The following LINGO1 variants were observed in gnomAD, a reference collection of about 807,000 sequenced individuals.
The protein encoded by LINGO1 is leucine-rich repeat and immunoglobulin-like domain-containing nogo receptor-interacting protein 1.
A neutral mutation model predicts 37.3 loss-of-function variants in LINGO1; 11 were observed. The ratio of observed to expected loss-of-function variants is 0.29; its 90% CI spans 0.19 to 0.49. The LOEUF is 0.49. LINGO1 is among the 20% of genes least tolerant of loss of function. LINGO1 has a pLI of 0.99. For missense variants in LINGO1, 585 were observed against 878.2 expected (o/e 0.67, Z 4.22); for synonymous variants, 387 against 403.0 (o/e 0.96, Z 0.48).
chr15:77,693,109 A>AT (rs1302774767), intron 1 of LINGO1, among the ~76,000 whole-genome samples: 1 of 152,212 alleles, frequency 6.6e-6, no homozygotes, highest in African/African-American at 2.4e-5. Context: ...CAAAACTGTC[A>AT]TATCATTAAC....
At chr15:77,780,284 G>T (rs2076702658) in intron 1 of LINGO1, among the ~76,000 whole-genome samples, 1 of 152,188 alleles carries the variant, frequency 6.6e-6, no homozygotes, top group Non-Finnish European at 1.5e-5. Context: ...ACAATGGTGG[G>T]CCACTGAAAG....
chr15:77,807,750 C>T (rs2076971965), intron 1 of LINGO1, among the ~76,000 whole-genome samples: 1 of 152,278 alleles, frequency 6.6e-6, no homozygotes, highest in South Asian at 2.1e-4. Context: ...TGCCAACTAT[C>T]ACAGCTTAAA....
At chr15:77,775,210 C>G (rs1471294701) in intron 1 of LINGO1, among the ~76,000 whole-genome samples, 2 of 152,160 alleles carry the variant, frequency 1.3e-5, no homozygotes, top group African/African-American at 2.4e-5. Context: ...CAAGCCCCCA[C>G]TTGATGATAG....
intron 2 of LINGO1, among the ~76,000 whole-genome samples, chr15:77,793,464 T>C (rs562639369): frequency 6.6e-6 from 1 of 152,140 alleles, no homozygotes; most frequent in African/African-American, 2.4e-5. Flanking sequence ...CGGTGCTCCA[T>C]GCCAGCCCTG....
At chr15:77,797,552 G>T (rs1405844492) in intron 1 of LINGO1, among the ~76,000 whole-genome samples, 2 of 152,222 alleles carry the variant, frequency 1.3e-5, no homozygotes, top group African/African-American at 4.8e-5. Context: ...GTGCCCAGGG[G>T]TGGCTTCAAC....
chr15:77,749,878 C>T (rs1374717810), intron 1 of LINGO1, among the ~76,000 whole-genome samples: 1 of 152,138 alleles, frequency 6.6e-6, no homozygotes, highest in Admixed American at 6.5e-5. Context: ...GGGTGCGGAA[C>T]CGGACTTTCT....
At chr15:77,758,376 G>A (rs188708917) in intron 1 of LINGO1, among the ~76,000 whole-genome samples, 32 of 152,282 alleles carry the variant, frequency 2.1e-4, no homozygotes, top group African/African-American at 7.2e-4. Flanking sequence ...GCAGGCCTCC[G>A]TTTCCTTTCC....
intron 1 of LINGO1, among the ~76,000 whole-genome samples, chr15:77,781,296 G>A (rs2076714522): frequency 6.6e-6 from 1 of 152,214 alleles, no homozygotes; most frequent in South Asian, 2.1e-4. Flanking sequence ...CCAGGCCGGA[G>A]CCAGCCAGGA....
chr15:77,800,994 A>C (rs2076913569), intron 1 of LINGO1, among the ~76,000 whole-genome samples: 1 of 152,210 alleles, frequency 6.6e-6, no homozygotes, highest in Non-Finnish European at 1.5e-5. Context: ...CAGATTGGGA[A>C]AAATTTAAAT....
At chr15:77,699,164 G>A (rs1344193398), upstream of LINGO1, among the ~76,000 whole-genome samples, 3 of 151,894 alleles carry the variant, frequency 2.0e-5, no homozygotes, top group East Asian at 1.9e-4. Context: ...ATTAGCATTC[G>A]CTGCTGAGGA....
At chr15:77,668,917 T>C (rs1170899147) in intron 3 of LINGO1, among the ~76,000 whole-genome samples, 1 of 151,906 alleles carries the variant, frequency 6.6e-6, no homozygotes, top group Non-Finnish European at 1.5e-5. Flanking sequence ...AAAAATCCCA[T>C]GTGGTCTTCA....
intron 2 of LINGO1, among the ~76,000 whole-genome samples, chr15:77,729,745 A>G (rs11631237): frequency 0.16 from 23,718 of 152,234 alleles, 2,348 homozygotes; most frequent in Admixed American, 0.3. Context: ...TCCTGTGGAC[A>G]GCACAGTTCT....
intron 1 of LINGO1, among the ~76,000 whole-genome samples, chr15:77,626,954 G>GC (rs1172735794): frequency 1.2e-4 from 9 of 72,944 alleles, no homozygotes; most frequent in South Asian, 4.7e-4. Flanking sequence ...GCCAGTCCCC[G>GC]CCCCCCCAAC....
chr15:77,686,924 A>G (rs1289020372), intron 2 of LINGO1, among the ~76,000 whole-genome samples: 1 of 152,210 alleles, frequency 6.6e-6, no homozygotes, highest in Non-Finnish European at 1.5e-5. Context: ...CCTCTAGGCA[A>G]TCCCAGAAAC....
chr15:77,643,781 G>A (rs2074561522), intron 3 of LINGO1, among the ~76,000 whole-genome samples: 1 of 152,214 alleles, frequency 6.6e-6, no homozygotes, highest in Non-Finnish European at 1.5e-5. Context: ...CGAGTCTGGT[G>A]CCACCTCCAG....
At chr15:77,748,855 CTTATTTATTTAT>C (rs71145856) in intron 1 of LINGO1, among the ~76,000 whole-genome samples, 70 of 128,776 alleles carry the variant, frequency 5.4e-4, no homozygotes, top group East Asian at 1.9e-3. Flanking sequence ...GGCCCCTAGC[CTTATTTATTTAT>C]TTATTTATTT....
Position 77,760,085 on chromosome 15 carries a change from GAC to G in LINGO1, c.-256-25034_-256-25033del, listed in dbSNP as rs61307593. ...GGCGGCTTTTTTTTCCTCCTTAAAA[GAC>G]AGCGCGGCAATGACTCATGCCTGTT... On this transcript the variant is annotated intron_variant, in intron 1 of 3. Coordinates refer to the LINGO1 transcript ENST00000561686. Among the ~76,000 whole-genome samples, 439 of 152,368 alleles carry G rather than the reference GAC, an allele frequency of 2.9e-3. 2 individuals are homozygous for G. Among genetic ancestry groups the G allele is most frequent in the African/African-American group, 0.01 (418 of 41,588 alleles).
chr15:77,624,608 C>T (rs1472697097), intron 1 of LINGO1, among the ~76,000 whole-genome samples: 1 of 152,196 alleles, frequency 6.6e-6, no homozygotes, highest in Non-Finnish European at 1.5e-5. Flanking sequence ...AGGCTCTGCC[C>T]TCCAGGAGCA....
At chr15:77,820,040 C>G (rs931039975) in intron 1 of LINGO1, 1 of 152,096 alleles carries the variant, frequency 6.6e-6, no homozygotes, top group Admixed American at 6.6e-5. Context: ...TCACATTCTC[C>G]GCATTACAGC....
Sources: gnomAD v4.1 joint callset for allele counts (sites outside exome capture counted in the v4.1 genomes callset) on GRCh38, gnomAD v4.1.1 for gene constraint, MANE v1.5 for transcripts, NCBI Gene and HGNC (gene_info 2026-07-23, HGNC 2026-07-21) for gene names.